DNM1L: variants seen among roughly 807,000 people sequenced by gnomAD.
The protein encoded by DNM1L is dynamin 1L.
In DNM1L, 33 loss-of-function variants were observed where a neutral mutation model predicts 92.8. The ratio of observed to expected loss-of-function variants is 0.36; its 90% CI spans 0.27 to 0.48. The LOEUF (loss-of-function observed/expected upper bound fraction) is 0.48. Ranked by LOEUF, DNM1L falls within the 20% of genes least tolerant of loss-of-function variation. DNM1L has a pLI of 0.99. For missense variants in DNM1L, 485 were observed against 888.8 expected (o/e 0.55, Z 5.78); for synonymous variants, 284 against 305.0 (o/e 0.93, Z 0.72).
At chr12:32,711,061 GTTGAC>G in intron 5 of DNM1L, 46 bp downstream of exon 5, 7 of 1,483,550 alleles carry the variant, frequency 4.7e-6, no homozygotes, top group Non-Finnish European at 6.6e-6. Context: ...TTTTCACTTC[GTTGAC>G]ATCCCATATG....
At chr12:32,710,494 C>G (rs1438407810) in intron 4 of DNM1L, among the ~76,000 whole-genome samples, 1 of 151,872 alleles carries the variant, frequency 6.6e-6, no homozygotes, top group Non-Finnish European at 1.5e-5. Context: ...TGGTGCACAC[C>G]TTGTAGTCCC....
chr12:32,713,826 C>T (rs1049432997), intron 6 of DNM1L, among the ~76,000 whole-genome samples: 1 of 151,996 alleles, frequency 6.6e-6, no homozygotes, highest in Admixed American at 6.6e-5. Context: ...AAAACCAAAA[C>T]ACAGTAGGTA....
intron 1 of DNM1L, among the ~76,000 whole-genome samples, chr12:32,686,947 T>TC (rs1463083624): frequency 7.0e-6 from 1 of 143,558 alleles, no homozygotes; most frequent in African/African-American, 2.6e-5. Flanking sequence ...CTTTTTTTTT[T>TC]TTTTTTTTTG....
Position 32,743,435 on chromosome 12 carries a change from TTGTTGACTCAAAA to T in DNM1L, c.*26_*38del. On this transcript the variant is annotated 3_prime_UTR_variant, in exon 20 of 20. Coordinates refer to ENST00000549701, the MANE Select transcript of DNM1L (RefSeq NM_012062.5). ...AAGAGAACTATGTAATACTGAGACT[TTGTTGACTCAAAA>T]CTTGCTAGTTACTGCCTACCTGAGT... 1 of 1,611,764 alleles carries T rather than the reference TTGTTGACTCAAAA, an allele frequency of 6.2e-7. No homozygotes were observed. Among genetic ancestry groups the T allele is most frequent in the African/African-American group, 1.3e-5 (1 of 74,998 alleles).
In DNM1L at chr12:32,745,147, A is replaced by T. The variant is rs1955573025; in HGVS notation, c.*1737A>T. The T allele has an allele frequency of 4.0e-5, 14 of 346,552 alleles. 1 individual carries two copies. The highest frequency in any genetic ancestry group is 3.5e-4 in the South Asian group (14 of 39,746). The allele number at this position is 346,552 out of a possible 1,614,324, so 21.5% of individuals were successfully genotyped here. ...GTTACTAGTACCATCTTGACAGAGGATACATGCTCCCAAAACGTTTGTTAC... is the reference window on the plus strand; with the variant it reads ...GTTACTAGTACCATCTTGACAGAGGTTACATGCTCCCAAAACGTTTGTTAC... On this transcript the variant is annotated 3_prime_UTR_variant, in exon 20 of 20. Coordinates refer to ENST00000549701, the MANE Select transcript of DNM1L (RefSeq NM_012062.5).
In DNM1L at chr12:32,744,573, CGT is replaced by C. The variant is rs1955522749; in HGVS notation, c.*1165_*1166del. 4.8e-6 allele frequency: 1 copy of C among 208,556 alleles called. No homozygotes were observed. Among genetic ancestry groups the C allele is most frequent in the Non-Finnish European group, 9.6e-6 (1 of 104,534 alleles). 12.9% of individuals were successfully genotyped at this position (208,556 alleles called of 1,614,324 possible). On this transcript the variant is annotated 3_prime_UTR_variant, in exon 20 of 20. Coordinates refer to ENST00000549701, the MANE Select transcript of DNM1L (RefSeq NM_012062.5). ...TACTAAAAATACAAAATTGGCCGGGCGTGGTGGCGCATGCCTGTAATCCCAGC... is the reference window on the plus strand; with the variant it reads ...TACTAAAAATACAAAATTGGCCGGGCGGTGGCGCATGCCTGTAATCCCAGC...
Position 32,710,959 on chromosome 12 carries a change from A to C in DNM1L, c.400A>C (p.Ile134Leu), listed in dbSNP as rs1473305626. The C allele has an allele frequency of 6.2e-7, 1 of 1,613,854 alleles. No individual in the cohort carries two copies. The highest frequency in any genetic ancestry group is 1.7e-5 in the Admixed American group (1 of 59,996). ...AAGCCCTGAACCAATTCATCTTAAG[A>C]TTTTTTCACCCAACGTTGTCAATTT... is the stretch of plus-strand genomic sequence containing the variant. ...GVSPEPIHLK[I>L]FSPNVVNLTL... Residue 134 changes from isoleucine (I) to leucine (L), a missense_variant, in exon 5 of 20, where the codon ATT becomes CTT. Physicochemically the swap from Ile to Leu is conservative, Grantham distance 5. Transcript: ENST00000549701.
In DNM1L at chr12:32,731,976, CTA is replaced by C; in HGVS notation, c.1446+35_1446+36del. 6.5e-7 allele frequency: 1 copy of C among 1,535,828 alleles called. No individual in the cohort carries two copies. The highest frequency in any genetic ancestry group is 9.0e-7 in the Non-Finnish European group (1 of 1,109,978). On this transcript the variant is annotated intron_variant, in intron 12 of 19. Coordinates refer to ENST00000549701, the MANE Select transcript of DNM1L (RefSeq NM_012062.5). The surrounding 1 kb of genome is among the most constrained non-coding windows in gnomAD (Gnocchi z 5.1). ...ACTATAGCATAGATCATTGTAATTA[CTA>C]TTAGTAAAAGTTTAAATTTTTGCTT...
Position 32,718,887 on chromosome 12 carries a change from T to C in DNM1L, c.740+124T>C. On this transcript the variant is annotated intron_variant, in intron 7 of 19. Coordinates refer to ENST00000549701, the MANE Select transcript of DNM1L (RefSeq NM_012062.5). ...AAATGTGATGCTGTACTATATTTTT[T>C]CTCCCTTTTATTATGATCTTGGTAT... is the stretch of plus-strand genomic sequence containing the variant. 3.7e-6 allele frequency: 5 copies of C among 1,349,522 alleles called. No individual in the cohort carries two copies. In the South Asian group the frequency reaches 5.9e-5, roughly 16 times the overall value. 83.6% of individuals were successfully genotyped at this position (1,349,522 alleles called of 1,614,324 possible).
chr12:32,712,294 C>A (rs937332470), intron 5 of DNM1L, among the ~76,000 whole-genome samples: 1 of 152,134 alleles, frequency 6.6e-6, no homozygotes, highest in African/African-American at 2.4e-5. Flanking sequence ...CGTCCCTATT[C>A]TTCTCCTAAC....
chr12:32,720,614 G>A, intron 7 of DNM1L, 50 bp from the exon 8 acceptor site: 1 of 1,612,432 alleles, frequency 6.2e-7, no homozygotes, highest in Non-Finnish European at 8.5e-7. Context: ...TCTAAGGTAG[G>A]AAGAGGACAA....
At chr12:32,727,657 A>G in intron 9 of DNM1L, 1 of 279,034 alleles carries the variant, frequency 3.6e-6, no homozygotes. Flanking sequence ...ATCAGATGCT[A>G]TACCTATCTT....
At chr12:32,710,331 G>A (rs930279314) in intron 4 of DNM1L, among the ~76,000 whole-genome samples, 1 of 152,086 alleles carries the variant, frequency 6.6e-6, no homozygotes, top group Non-Finnish European at 1.5e-5. Context: ...CTCTGAACTC[G>A]GAACCTCATA....
intron 19 of DNM1L, 140 bp downstream of exon 19, chr12:32,742,888 C>CTTTTTTTT (rs36039451): frequency 7.6e-5 from 19 of 248,712 alleles, no homozygotes; most frequent in African/African-American, 7.4e-4. Flanking sequence ...TGATAAGAAT[C>CTTTTTTTT]TTTTTTTTTT....
At position 32,743,685 on chromosome 12, in the gene DNM1L, T is replaced by G. The variant is rs1268926227; in HGVS notation, c.*275T>G. The G allele has an allele frequency of 4.4e-6, 2 of 457,640 alleles. No individual in the cohort carries two copies. Among genetic ancestry groups the G allele is most frequent in the Admixed American group, 3.5e-5 (1 of 28,402 alleles). The allele number at this position is 457,640 out of a possible 1,614,324, so 28.3% of individuals were successfully genotyped here. A position where few individuals can be genotyped will look rare whatever the true frequency, so the allele number is the denominator to read the frequency against. On this transcript the variant is annotated 3_prime_UTR_variant, in exon 20 of 20. Coordinates refer to ENST00000549701, the MANE Select transcript of DNM1L (RefSeq NM_012062.5). ...CATCTGAACTTAACTTAAAAACAACTGTTAATGTTCTAGTTGTGCAAAGCA... is the reference window on the plus strand; with the variant it reads ...CATCTGAACTTAACTTAAAAACAACGGTTAATGTTCTAGTTGTGCAAAGCA...
chr12:32,705,715 A>T (rs1319464715), intron 2 of DNM1L: 2 of 964,274 alleles, frequency 2.1e-6, no homozygotes, highest in Non-Finnish European at 3.1e-6. Context: ...ATTGAATGCT[A>T]TGTGCATTTG....
At chr12:32,706,577 A>G (rs1952936025) in intron 2 of DNM1L, 2 of 400,934 alleles carry the variant, frequency 5.0e-6, no homozygotes, top group Non-Finnish European at 9.8e-6. Flanking sequence ...CAGCAAGTAC[A>G]AGAGGAACAG....
chr12:32,719,897 C>A (rs996976667), intron 7 of DNM1L, among the ~76,000 whole-genome samples: 2 of 152,102 alleles, frequency 1.3e-5, no homozygotes, highest in Non-Finnish European at 2.9e-5. Context: ...GAGCTGGATT[C>A]GGATGAATAT....
chr12:32,722,284 A>G, intron 8 of DNM1L, 143 bp from the exon 9 acceptor site: 1 of 729,042 alleles, frequency 1.4e-6, no homozygotes, highest in South Asian at 1.7e-5. Flanking sequence ...AAATGAAGAC[A>G]AAGACCAAAT....
Sources: allele counts gnomAD v4.1 joint callset (sites outside exome capture counted in the v4.1 genomes callset), GRCh38; gene constraint gnomAD v4.1.1; non-coding constraint Gnocchi (gnomAD v3.1); transcripts MANE v1.5; gene names NCBI Gene and HGNC (gene_info 2026-07-23, HGNC 2026-07-21).